The following KRT19 variants were observed in gnomAD, a reference collection of about 807,000 sequenced individuals.
The protein encoded by KRT19 is keratin 19.
Under a neutral mutation model 34.6 loss-of-function variants are expected in KRT19, and 21 were observed. The ratio of observed to expected loss-of-function variants is 0.61; its 90% CI spans 0.43 to 0.87. KRT19 has a LOEUF of 0.87. Among genes scored for constraint, KRT19 ranks in the 40% least tolerant of loss-of-function variants. The probability of loss-of-function intolerance (pLI) is 0.00; values close to 1 mark genes in which losing one functional copy is unlikely to be tolerated. For synonymous variants in KRT19, 240 were observed against 245.8 expected (o/e 0.98, Z 0.22); for missense variants, 514 against 545.7 (o/e 0.94, Z 0.58).
In KRT19 at chr17:41,525,262, G is replaced by A. The variant is rs575891255; in HGVS notation, c.432C>T (p.Ala144=). ...GGACAATCCTGGAGTTCTCAATGGT[G>A]GCACCAAGAATCTGGAAGGCAGAGG... ...IQDLRDKILG[A]TIENSRIVLQ... Residue 144 remains alanine, a synonymous_variant, in exon 2 of 6, where the codon GCC becomes GCT. Transcript: ENST00000361566. The A allele has an allele frequency of 6.2e-7, 1 of 1,613,516 alleles. No homozygotes were observed. Among genetic ancestry groups the A allele is most frequent in the South Asian group, 1.1e-5 (1 of 91,066 alleles).
intron 4 of KRT19, 51 bp from the exon 5 acceptor site, chr17:41,524,319 AG>A: frequency 6.2e-7 from 1 of 1,611,570 alleles, no homozygotes; most frequent in Non-Finnish European, 8.5e-7. Flanking sequence ...ACCTTCGCGT[AG>A]GGAACACAAA....
intron 5 of KRT19, 37 bp from the exon 6 acceptor site, chr17:41,524,034 C>T (rs1279195747): frequency 1.2e-6 from 2 of 1,602,086 alleles, no homozygotes; most frequent in Admixed American, 3.3e-5. Flanking sequence ...CTCAGCAGAG[C>T]CTGGTTCCCG....
At chr17:41,525,038 C>T (rs748108412) in intron 2 of KRT19, 39 bp from the exon 3 acceptor site, 1 of 1,608,824 alleles carries the variant, frequency 6.2e-7, no homozygotes, top group Admixed American at 1.7e-5. Flanking sequence ...AGAGCTTCCT[C>T]AGCATCTCTG....
In KRT19 at chr17:41,524,161, C is replaced by T; in HGVS notation, c.930G>A (p.Leu310=). The part of the protein sequence containing the change: ...RRTLQGLEIE[L]QSQLSMKAAL... ...CACATACCATGCTCAGCTGTGACTG[C>T]AGCTCAATCTCAAGACCCTGAAGGG... Residue 310 remains leucine (L), a synonymous_variant, in exon 5 of 6, where the codon CTG becomes CTA. Transcript: ENST00000361566. 2 of 1,613,874 alleles carry T rather than the reference C, an allele frequency of 1.2e-6. No homozygotes were observed. Among genetic ancestry groups the T allele is most frequent in the Non-Finnish European group, 1.7e-6 (2 of 1,179,904 alleles).
chr17:41,527,778 G>C, intron 1 of KRT19, 50 bp downstream of exon 1: 2 of 1,514,662 alleles, frequency 1.3e-6, no homozygotes, highest in South Asian at 1.3e-5. Context: ...CGCGGGGCTG[G>C]GTTTCCGCGG....
At position 41,524,920 on chromosome 17, in the gene KRT19, G is replaced by C. The variant is rs1234923163; in HGVS notation, c.583C>G (p.Leu195Val). Reference protein sequence around the residue: ...GLRRVLDELTLARTDLEMQIE... With the variant: ...GLRRVLDELTVARTDLEMQIE... ...TGCATCTCCAGGTCGGTCCTGGCCA[G>C]GGTCAGCTCATCCAGCACCCTGCGC... Residue 195 changes from leucine (L) to valine (V), a missense_variant, in exon 3 of 6, where the codon CTG (leucine) becomes GTG (valine). Transcript: ENST00000361566. The C allele has an allele frequency of 6.2e-7, 1 of 1,614,234 alleles. No individual in the cohort carries two copies. The highest frequency in any genetic ancestry group is 1.7e-5 in the Admixed American group (1 of 60,030).
In KRT19 at chr17:41,525,211, A is replaced by G. The variant is rs201474904; in HGVS notation, c.483T>C (p.Ala161=). The G allele has an allele frequency of 8.1e-6, 13 of 1,613,752 alleles. No homozygotes were observed. The East Asian group carries it at 2.7e-4, about 33-fold the overall frequency. The change falls in exon 2 of 6, where the codon GCT becomes GCC. Residue 161 remains alanine, a synonymous_variant. Coordinates refer to ENST00000361566, the MANE Select transcript of KRT19 (RefSeq NM_002276.5). ...CTCACTTGGTTCGGAAGTCATCTGC[A>G]GCCAGACGGGCATTGTCGATCTGCA... ...IVLQIDNARL[A]ADDFRTKFET...
At chr17:41,524,740 A>G in intron 3 of KRT19, 103 bp downstream of exon 3, 1 of 1,357,502 alleles carries the variant, frequency 7.4e-7, no homozygotes, top group South Asian at 1.3e-5. Flanking sequence ...GGCCATGGTG[A>G]GGGTGCACCA....
At chr17:41,526,309 C>A (rs769903021) in intron 1 of KRT19, among the ~76,000 whole-genome samples, 1 of 151,968 alleles carries the variant, frequency 6.6e-6, no homozygotes. Context: ...GAATAGGCTA[C>A]AAAATATCAG....
intron 2 of KRT19, 47 bp from the exon 3 acceptor site, chr17:41,525,046 C>A (rs371306421): frequency 4.5e-5 from 72 of 1,606,560 alleles, no homozygotes; most frequent in Non-Finnish European, 5.1e-6. Flanking sequence ...CTCAGCATCT[C>A]TGAAGACTTC....
intron 1 of KRT19, 75 bp downstream of exon 1, chr17:41,527,753 G>C: frequency 6.8e-7 from 1 of 1,477,776 alleles, no homozygotes; most frequent in East Asian, 2.3e-5. Flanking sequence ...GCCCCGCCTG[G>C]AACCTCGCCC....
rs1446366418 is a variant in KRT19 at position 41,525,013 on chromosome 17, T to C, written c.504-14A>G. 4 of 1,611,398 alleles carry C rather than the reference T, an allele frequency of 2.5e-6. No individual in the cohort carries two copies. The highest frequency in any genetic ancestry group is 1.7e-5 in the Admixed American group (1 of 59,952). On this transcript the variant is annotated splice_polypyrimidine_tract_variant and intron_variant, in intron 2 of 5. Coordinates refer to ENST00000361566, the MANE Select transcript of KRT19 (RefSeq NM_002276.5). ...TCCGTCTCAAACCTTTCAAAGGAAATAGTTGCAGCCAGGCAGAGCTTCCTC... is the reference window on the plus strand; with the variant it reads ...TCCGTCTCAAACCTTTCAAAGGAAACAGTTGCAGCCAGGCAGAGCTTCCTC...
intron 3 of KRT19, 91 bp downstream of exon 3, chr17:41,524,752 G>A (rs1905798889): frequency 6.8e-7 from 1 of 1,463,976 alleles, no homozygotes; most frequent in Non-Finnish European, 9.5e-7. Flanking sequence ...GGTGCACCAA[G>A]TGTTACCACG....
In KRT19 at chr17:41,524,136, C is replaced by T; in HGVS notation, c.948+7G>A. On this transcript the variant is annotated splice_region_variant and intron_variant, in intron 5 of 5. Transcript: ENST00000361566. ...CAGGGAAGCGGCGGCGGTGGGGGGA[C>T]ACATACCATGCTCAGCTGTGACTGC... 3 of 1,611,940 alleles carry T rather than the reference C, an allele frequency of 1.9e-6. No individual in the cohort carries two copies. The highest frequency in any genetic ancestry group is 2.5e-6 in the Non-Finnish European group (3 of 1,178,926).
intron 1 of KRT19, among the ~76,000 whole-genome samples, chr17:41,526,769 A>G (rs562611156): frequency 1.3e-5 from 2 of 151,970 alleles, no homozygotes; most frequent in Admixed American, 1.3e-4. Context: ...ACAGGATTTT[A>G]CCATGTTTGC....
intron 1 of KRT19, 151 bp from the exon 2 acceptor site, chr17:41,525,424 C>T (rs1021142616): frequency 1.5e-5 from 10 of 663,956 alleles, no homozygotes; most frequent in Non-Finnish European, 2.5e-5. Flanking sequence ...TTGGCCCGCT[C>T]TCTGGGAGGC....
Position 41,527,831 on chromosome 17 carries a change from G to T in KRT19, c.417C>A (p.Asp139Glu), listed in dbSNP as rs539138473. 4 of 1,581,084 alleles carry T rather than the reference G, an allele frequency of 2.5e-6. No homozygotes were observed. In the South Asian group the frequency reaches 4.6e-5, roughly 18 times the overall value. Residue 139 changes from aspartate (D) to glutamate (E), a missense_variant, in exon 1 of 6, where the codon GAC becomes GAA. Physicochemically the swap from Asp to Glu is conservative, Grantham distance 45. Transcript: ENST00000361566. ...CCGCGGCCGGGCCTCCGCCCACCTT[G>T]TCCCGCAGGTCCTGGATGGTCGTGT... is the stretch of plus-strand genomic sequence containing the variant. Reference protein sequence around the residue: ...HYYTTIQDLRDKILGATIENS... With the variant: ...HYYTTIQDLREKILGATIENS...
At chr17:41,524,567 T>A in intron 3 of KRT19, 27 bp from the exon 4 acceptor site, 3 of 1,612,470 alleles carry the variant, frequency 1.9e-6, no homozygotes, top group Non-Finnish European at 2.5e-6. Context: ...GAGATGGGCA[T>A]GTCAGGGCCC....
At chr17:41,527,557 G>A (rs1210787342) in intron 1 of KRT19, among the ~76,000 whole-genome samples, 1 of 152,138 alleles carries the variant, frequency 6.6e-6, no homozygotes, top group East Asian at 1.9e-4. Flanking sequence ...TCGTCCCGGG[G>A]CTCCAACCTT....
Sources: allele counts gnomAD v4.1 joint callset (sites outside exome capture counted in the v4.1 genomes callset), GRCh38; gene constraint gnomAD v4.1.1; transcripts MANE v1.5; gene names NCBI Gene and HGNC (gene_info 2026-07-23, HGNC 2026-07-21).